ITPR1: variants seen among roughly 807,000 people sequenced by gnomAD.
The protein encoded by ITPR1 is inositol 1,4,5-trisphosphate receptor type 1, also known as inositol 1,4,5-trisphosphate-gated calcium channel ITPR1.
A neutral mutation model predicts 318.4 loss-of-function variants in ITPR1; 96 were observed. That is an observed-to-expected ratio of 0.30 (90% CI 0.26 to 0.36). The LOEUF (loss-of-function observed/expected upper bound fraction) is 0.36, where lower values mean the gene tolerates loss of function less well. Among genes scored for constraint, ITPR1 ranks in the 10% least tolerant of loss-of-function variants. The pLI, the probability that ITPR1 is intolerant of heterozygous loss-of-function variation, is 1.00. For missense variants in ITPR1, 2,440 were observed against 3,460.2 expected, an observed-to-expected ratio of 0.71 and a Z score of 7.40; for synonymous variants, 1,312 against 1,289.9, an observed-to-expected ratio of 1.02 and a Z score of -0.37.
intron 42 of ITPR1, among the ~76,000 whole-genome samples, chr3:4,728,782 G>A (rs138088032): frequency 6.6e-4 from 100 of 152,260 alleles, no homozygotes; most frequent in African/African-American, 2.3e-3. Flanking sequence ...GTAGCCAGAT[G>A]CACCTGTACT....
At chr3:4,820,077 G>A (rs1575374303) in intron 60 of ITPR1, among the ~76,000 whole-genome samples, 1 of 152,332 alleles carries the variant, frequency 6.6e-6, no homozygotes. Flanking sequence ...ATTCTGATGG[G>A]TGCCAGTGTG....
intron 61 of ITPR1, among the ~76,000 whole-genome samples, chr3:4,845,331 G>T (rs1353956516): frequency 6.6e-6 from 1 of 152,140 alleles, no homozygotes; most frequent in African/African-American, 2.4e-5. Context: ...GACTAACTGG[G>T]TTAAGGAAAA....
intron 12 of ITPR1, among the ~76,000 whole-genome samples, chr3:4,655,936 G>C (rs1005935676): frequency 1.4e-4 from 21 of 152,280 alleles, no homozygotes; most frequent in African/African-American, 4.8e-4. Context: ...ACTCTTCTTG[G>C]TTTGGAAACT....
At chr3:4,636,515 G>A (rs764630004) in intron 5 of ITPR1, among the ~76,000 whole-genome samples, 11 of 152,092 alleles carry the variant, frequency 7.2e-5, no homozygotes, top group Non-Finnish European at 1.6e-4. Flanking sequence ...TGCAACCTCC[G>A]CTTCCCGGGT....
intron 44 of ITPR1, chr3:4,749,998 C>G (rs1282508948): frequency 1.3e-5 from 2 of 152,714 alleles, no homozygotes; most frequent in Non-Finnish European, 2.9e-5. Flanking sequence ...CCACTGGACT[C>G]TTACCATCGT....
At chr3:4,844,140 T>TTTTC (rs3079650) in intron 61 of ITPR1, among the ~76,000 whole-genome samples, 2 of 151,140 alleles carry the variant, frequency 1.3e-5, no homozygotes, top group Admixed American at 6.6e-5. Context: ...TTTTTTTTTT[T>TTTTC]CCAAGACAAG....
In ITPR1 at chr3:4,802,954, G is replaced by A. The variant is rs141008519; in HGVS notation, c.7107+2354G>A. 9.7e-4 allele frequency among the ~76,000 whole-genome samples: 148 copies of A among 152,246 alleles called. 1 individual carries two copies. The highest frequency in any genetic ancestry group is 3.1e-3 in the African/African-American group (127 of 41,540). ...GAAAGCAATGTGCTTCTATTAGTTC[G>A]TTCTCACATTGCTATAAAATGCCTG... On this transcript the variant is annotated intron_variant, in intron 54 of 61. Transcript: ENST00000649015.
intron 14 of ITPR1, among the ~76,000 whole-genome samples, chr3:4,661,420 T>A (rs2093830140): frequency 6.6e-6 from 1 of 152,232 alleles, no homozygotes; most frequent in African/African-American, 2.4e-5. Flanking sequence ...GTACATCAAG[T>A]ATCTAGTTGA....
chr3:4,615,876 G>T (rs2092368870), intron 4 of ITPR1, among the ~76,000 whole-genome samples: 1 of 152,212 alleles, frequency 6.6e-6, no homozygotes, highest in Non-Finnish European at 1.5e-5. Context: ...GAGGGCAGCA[G>T]CCTGGGGTGT....
chr3:4,822,538 C>T (rs911617486), intron 60 of ITPR1, among the ~76,000 whole-genome samples: 7 of 152,188 alleles, frequency 4.6e-5, no homozygotes, highest in African/African-American at 1.7e-4. Context: ...TGAGTTCTAT[C>T]CATGTCTTTA....
chr3:4,519,234 T>G (rs1051006391), intron 3 of ITPR1, among the ~76,000 whole-genome samples: 7 of 152,122 alleles, frequency 4.6e-5, no homozygotes, highest in African/African-American at 1.7e-4. Context: ...TTTATTTATT[T>G]TTTTTTTTCT....
chr3:4,770,525 G>A (rs767496394), intron 46 of ITPR1, among the ~76,000 whole-genome samples: 21 of 152,170 alleles, frequency 1.4e-4, no homozygotes, highest in Non-Finnish European at 2.2e-4. Flanking sequence ...GGCCAGGCTG[G>A]ACCCACAGTA....
At position 4,586,283 on chromosome 3, in the gene ITPR1, T is replaced by G. The variant is rs375416407; in HGVS notation, c.164-41480T>G. Among the ~76,000 whole-genome samples the G allele has an allele frequency of 5.3e-5, 8 of 152,294 alleles. No individual in the cohort carries two copies. In the East Asian group the frequency reaches 1.3e-3, roughly 26 times the overall value. On this transcript the variant is annotated intron_variant, in intron 4 of 61. Transcript: ENST00000649015. ...TTGCACCTGTTCTGTTCTGAAAGCT[T>G]TACCCGTTTCTACCATACAGCAACA...
chr3:4,789,483 C>T (rs1334603445), intron 52 of ITPR1, among the ~76,000 whole-genome samples: 1 of 152,212 alleles, frequency 6.6e-6, no homozygotes, highest in Non-Finnish European at 1.5e-5. Context: ...AGACCCCACC[C>T]ATTTCATCCT....
At chr3:4,755,382 GT>G (rs1333462976) in intron 44 of ITPR1, among the ~76,000 whole-genome samples, 2 of 145,824 alleles carry the variant, frequency 1.4e-5, no homozygotes, top group Non-Finnish European at 3.0e-5. Flanking sequence ...GAAGAAAGGT[GT>G]TTTTTCCCCC....
chr3:4,558,890 A>G (rs2086400967), intron 4 of ITPR1, among the ~76,000 whole-genome samples: 1 of 151,894 alleles, frequency 6.6e-6, no homozygotes, highest in African/African-American at 2.4e-5. Context: ...GACCCCGGAT[A>G]CTTCCAAACG....
intron 44 of ITPR1, among the ~76,000 whole-genome samples, chr3:4,766,324 T>A (rs1416569550): frequency 1.3e-5 from 2 of 152,202 alleles, no homozygotes; most frequent in Non-Finnish European, 1.5e-5. Context: ...CCACAGCAAT[T>A]TGTTTCAAAG....
At chr3:4,653,952 A>T (rs2093650844) in intron 12 of ITPR1, 66 bp downstream of exon 12, 1 of 1,169,292 alleles carries the variant, frequency 8.6e-7, no homozygotes, top group Admixed American at 2.0e-5. Flanking sequence ...CTGGAGCTCC[A>T]TTTAAGAAAC....
At chr3:4,752,684 A>G (rs1248214474) in intron 44 of ITPR1, among the ~76,000 whole-genome samples, 2 of 152,172 alleles carry the variant, frequency 1.3e-5, no homozygotes, top group Non-Finnish European at 2.9e-5. Context: ...TTAAAAAGAG[A>G]GAAGAGGCCT....
Sources: gnomAD v4.1 joint callset for allele counts (sites outside exome capture counted in the v4.1 genomes callset) on GRCh38, gnomAD v4.1.1 for gene constraint, MANE v1.5 for transcripts, NCBI Gene and HGNC (gene_info 2026-07-23, HGNC 2026-07-21) for gene names.